VTI1A: variants seen among roughly 807,000 people sequenced by gnomAD.
VTI1A encodes vesicle transport through interaction with t-SNAREs 1A, also known as vesicle transport through interaction with t-SNAREs homolog 1A.
In VTI1A, 22 loss-of-function variants were observed where a neutral mutation model predicts 34.9. The observed-to-expected ratio is 0.63, with a 90% CI of 0.45 to 0.90. The LOEUF (loss-of-function observed/expected upper bound fraction) is 0.90, where lower values mean the gene tolerates loss of function less well. Among genes scored for constraint, VTI1A ranks in the 40% least tolerant of loss-of-function variants. The pLI, the probability that VTI1A is intolerant of heterozygous loss-of-function variation, is 0.00. For missense variants in VTI1A, 268 were observed against 275.6 expected, an observed-to-expected ratio of 0.97 and a Z score of 0.20; for synonymous variants, 87 against 97.3, an observed-to-expected ratio of 0.89 and a Z score of 0.62.
At chr10:112,698,489 T>G (rs941691143) in intron 7 of VTI1A, among the ~76,000 whole-genome samples, 1 of 152,152 alleles carries the variant, frequency 6.6e-6, no homozygotes, top group Non-Finnish European at 1.5e-5. Flanking sequence ...AATTCTAGCT[T>G]CAGTTTTTTT....
chr10:112,848,596 C>G, the VTI1A span, among the ~76,000 whole-genome samples: 1 of 152,208 alleles, frequency 6.6e-6, no homozygotes, highest in Non-Finnish European at 1.5e-5. Flanking sequence ...GGAAACCATA[C>G]GTTTTCTGTG....
intron 3 of VTI1A, among the ~76,000 whole-genome samples, chr10:112,508,787 C>A (rs1356854840): frequency 6.6e-6 from 1 of 152,068 alleles, no homozygotes; most frequent in Non-Finnish European, 1.5e-5. Flanking sequence ...CTTCAGAGTT[C>A]GGGATAAAAT....
intron 3 of VTI1A, among the ~76,000 whole-genome samples, chr10:112,504,931 GT>G (rs1294404474): frequency 6.6e-6 from 1 of 150,936 alleles, no homozygotes; most frequent in South Asian, 2.1e-4. Flanking sequence ...TGCTTTGCTA[GT>G]TTTTTTGGTG....
intron 7 of VTI1A, among the ~76,000 whole-genome samples, chr10:112,736,109 GTGTATATATATATA>G (rs1480521372): frequency 4.3e-5 from 5 of 116,888 alleles, no homozygotes; most frequent in African/African-American, 2.0e-4. Context: ...ATATGTGTGT[GTGTATATATATATA>G]TATATATATA....
chr10:112,600,633 C>G (rs145656320), intron 5 of VTI1A, among the ~76,000 whole-genome samples: 1 of 152,118 alleles, frequency 6.6e-6, no homozygotes, highest in Non-Finnish European at 1.5e-5. Context: ...ACTAACTGAC[C>G]TTATAGTCTA....
At chr10:112,838,582 G>T in the VTI1A span, among the ~76,000 whole-genome samples, 10 of 152,310 alleles carry the variant, frequency 6.6e-5, no homozygotes, top group Admixed American at 3.3e-4. Context: ...AGGGCAGGAA[G>T]GGAGTAGGCA....
At chr10:112,520,311 C>T (rs1849967429) in intron 3 of VTI1A, among the ~76,000 whole-genome samples, 1 of 152,006 alleles carries the variant, frequency 6.6e-6, no homozygotes, top group African/African-American at 2.4e-5. Flanking sequence ...GACACAGCCA[C>T]ACCGTATTCA....
At chr10:112,507,800 C>T (rs1037335772) in intron 3 of VTI1A, among the ~76,000 whole-genome samples, 1 of 152,144 alleles carries the variant, frequency 6.6e-6, no homozygotes, top group African/African-American at 2.4e-5. Flanking sequence ...CCTTGAGATC[C>T]TAATCTATTG....
At chr10:112,721,082 G>A (rs936474843) in intron 7 of VTI1A, among the ~76,000 whole-genome samples, 3 of 151,988 alleles carry the variant, frequency 2.0e-5, no homozygotes, top group Non-Finnish European at 2.9e-5. Flanking sequence ...TTATTTTCTC[G>A]TTTTATGTGT....
At chr10:112,536,920 G>A (rs1018986639) in intron 4 of VTI1A, among the ~76,000 whole-genome samples, 2 of 152,012 alleles carry the variant, frequency 1.3e-5, no homozygotes, top group Admixed American at 1.3e-4. Flanking sequence ...AGATGGAAGC[G>A]AGATATTCTG....
chr10:112,771,690 T>G (rs1390826298), intron 7 of VTI1A, among the ~76,000 whole-genome samples: 1 of 152,208 alleles, frequency 6.6e-6, no homozygotes, highest in Non-Finnish European at 1.5e-5. Flanking sequence ...ACCCTGTACC[T>G]TTTAGCTATA....
intron 7 of VTI1A, among the ~76,000 whole-genome samples, chr10:112,793,155 C>T (rs1338817541): frequency 2.0e-5 from 3 of 152,132 alleles, no homozygotes; most frequent in African/African-American, 2.4e-5. Context: ...CAGGAGTAAG[C>T]GGATTATTTC....
chr10:112,651,547 G>A (rs1847019440), intron 5 of VTI1A, among the ~76,000 whole-genome samples: 1 of 152,224 alleles, frequency 6.6e-6, no homozygotes, highest in Non-Finnish European at 1.5e-5. Flanking sequence ...TTGACCTTGT[G>A]ATCCGCCTGC....
chr10:112,629,165 C>T (rs1410290876), intron 5 of VTI1A, among the ~76,000 whole-genome samples: 1 of 152,238 alleles, frequency 6.6e-6, no homozygotes, highest in Admixed American at 6.5e-5. Flanking sequence ...AGGCCTCAGA[C>T]ACTTGTCCAG....
intron 3 of VTI1A, among the ~76,000 whole-genome samples, chr10:112,518,587 C>CTA (rs1274288724): frequency 1.0e-3 from 95 of 93,672 alleles, no homozygotes; most frequent in South Asian, 1.5e-3. Flanking sequence ...CTCTCTCTCT[C>CTA]TCTATATATA....
At chr10:112,455,102 C>T in intron 1 of VTI1A, among the ~76,000 whole-genome samples, 1 of 149,016 alleles carries the variant, frequency 6.7e-6, no homozygotes, top group Admixed American at 6.8e-5. Flanking sequence ...GCCAGGTTAC[C>T]AAAACTTCGT....
At chr10:112,852,893 C>T in the VTI1A span, among the ~76,000 whole-genome samples, 1 of 152,176 alleles carries the variant, frequency 6.6e-6, no homozygotes, top group Non-Finnish European at 1.5e-5. Context: ...ATTCCTCTGC[C>T]TCAGCCTCCC....
chr10:112,515,440 G>C (rs930845880), intron 3 of VTI1A, among the ~76,000 whole-genome samples: 4 of 151,946 alleles, frequency 2.6e-5, no homozygotes, highest in African/African-American at 9.7e-5. Context: ...ACTTTGAATA[G>C]ATCAACTCTG....
chr10:112,830,467 C>T, the VTI1A span, among the ~76,000 whole-genome samples: 1 of 151,466 alleles, frequency 6.6e-6, no homozygotes, highest in African/African-American at 2.4e-5. Flanking sequence ...TTACATACAC[C>T]ATCACAGAAG....
Sources: gnomAD v4.1 joint callset for allele counts (sites outside exome capture counted in the v4.1 genomes callset) on GRCh38, gnomAD v4.1.1 for gene constraint, MANE v1.5 for transcripts, NCBI Gene and HGNC (gene_info 2026-07-23, HGNC 2026-07-21) for gene names.